TRPV2: variants seen among roughly 807,000 people sequenced by gnomAD.
The protein encoded by TRPV2 is OTRPC2.
In TRPV2, 58 loss-of-function variants were observed where a neutral mutation model predicts 91.0. That is an observed-to-expected ratio of 0.64 (90% CI 0.52 to 0.79). The LOEUF is 0.79. Ranked by LOEUF, TRPV2 falls within the 30% of genes least tolerant of loss-of-function variation. The pLI is 0.00. For missense variants in TRPV2, 807 were observed against 969.6 expected (o/e 0.83, Z 2.23); for synonymous variants, 417 against 414.8 (o/e 1.01, Z -0.06).
At position 16,426,209 on chromosome 17, in the gene TRPV2, T is replaced by C. The variant is rs754076443; in HGVS notation, c.1035T>C (p.Ser345=). The C allele has an allele frequency of 3.1e-6, 5 of 1,614,100 alleles. No individual in the cohort carries two copies. Among genetic ancestry groups the C allele is most frequent in the Admixed American group, 3.3e-5 (2 of 60,002 alleles). The change falls in exon 6 of 15, where the codon TCT becomes TCC. Residue 345 remains serine, a synonymous_variant. Transcript: ENST00000338560. This position sits in a 1 kb window ranked among gnomAD's most constrained non-coding sequence, Gnocchi z 6.0. ...GGGTGTCGCTGTATGACCTGGCTTC[T>C]GTGGACAGCTGTGAGGAGAACTCAG... ...PVRVSLYDLA[S]VDSCEENSVL... is the part of the protein sequence containing the mutation.
chr17:16,419,009 T>C (rs992988217), intron 2 of TRPV2, among the ~76,000 whole-genome samples: 5 of 151,326 alleles, frequency 3.3e-5, no homozygotes, highest in African/African-American at 7.3e-5. Context: ...CCAGCCTGGG[T>C]GTCAGTGTGA....
In TRPV2 at chr17:16,417,770, CG is replaced by C; in HGVS notation, c.105del (p.Leu36CysfsTer19). ...ACAGAGGAAAGCTGGATTTTGGGAG[CG>C]GGCTGCCTCCCATGGAGTCACAGTT... ...ADRGKLDFGS[G>X]LPPMESQFQG... On this transcript the variant is annotated frameshift_variant, in exon 2 of 15. Coordinates refer to ENST00000338560, the MANE Select transcript of TRPV2 (RefSeq NM_016113.5). LOFTEE classifies it high-confidence loss of function. 2 of 1,614,176 alleles carry C rather than the reference CG, an allele frequency of 1.2e-6. No homozygotes were observed. Among genetic ancestry groups the C allele is most frequent in the South Asian group, 2.2e-5 (2 of 91,082 alleles).
Position 16,432,050 on chromosome 17 carries a change from G to C in TRPV2, c.1739G>C (p.Gly580Ala). 1 of 1,613,836 alleles carries C rather than the reference G, an allele frequency of 6.2e-7. No individual in the cohort carries two copies. The highest frequency in any genetic ancestry group is 1.3e-5 in the African/African-American group (1 of 75,056). Residue 580 changes from glycine to alanine, a missense_variant, in exon 12 of 15, where the codon GGA becomes GCA. Gly to Ala is a moderately conservative substitution (Grantham distance 60, BLOSUM62 0). Transcript: ENST00000338560. ...ACAGAGTCAGTGCAGCCCATGGAGGGACAGGAGGACGAGGGCAACGGGGCC... is the reference window on the plus strand; with the variant it reads ...ACAGAGTCAGTGCAGCCCATGGAGGCACAGGAGGACGAGGGCAACGGGGCC... Reference protein sequence around the residue: ...NATESVQPMEGQEDEGNGAQY... With the variant: ...NATESVQPMEAQEDEGNGAQY...
Position 16,422,609 on chromosome 17 carries a change from A to C in TRPV2, c.345A>C (p.Thr115=), listed in dbSNP as rs2093363321. ...CCCTTCTTCCCACAGAGGGCTCCAC[A>C]GGTAAGACGTGCCTGATGAAGGCTG... The part of the protein sequence containing the change: ...LTDSEYTEGS[T]GKTCLMKAVL... Residue 115 remains threonine, a synonymous_variant, in exon 4 of 15, where the codon ACA becomes ACC. Transcript: ENST00000338560. 1 of 1,613,300 alleles carries C rather than the reference A, an allele frequency of 6.2e-7. No homozygotes were observed. The highest frequency in any genetic ancestry group is 1.3e-5 in the African/African-American group (1 of 75,042).
rs1426063522 is a variant in TRPV2 at position 16,431,848 on chromosome 17, T to A, written c.1652T>A (p.Val551Glu). ...TTAGTCTTCCTTTTCGGCTTCGCTG[T>A]AGGTAAAGGCTCCCTCCGGCCCCCT... ...IYLVFLFGFA[V>E]ALVSLSQEAW... Residue 551 changes from valine (V) to glutamate (E), a missense_variant and splice_region_variant, in exon 11 of 15, where the codon GTA becomes GAA. Transcript: ENST00000338560. 1 of 1,614,096 alleles carries A rather than the reference T, an allele frequency of 6.2e-7. No individual in the cohort carries two copies. The highest frequency in any genetic ancestry group is 8.5e-7 in the Non-Finnish European group (1 of 1,180,020).
intron 2 of TRPV2, among the ~76,000 whole-genome samples, 198 bp downstream of exon 2, chr17:16,418,066 TC>T (rs918239651): frequency 4.2e-4 from 64 of 152,342 alleles, no homozygotes; most frequent in African/African-American, 1.4e-3. Flanking sequence ...TCCAGAGGCT[TC>T]CCCATTCTTG....
In TRPV2 at chr17:16,435,004, G is replaced by T. The variant is rs2093429513; in HGVS notation, c.2194+35G>T. 1.9e-6 allele frequency: 3 copies of T among 1,574,484 alleles called. No homozygotes were observed. Among genetic ancestry groups the T allele is most frequent in the Non-Finnish European group, 2.6e-6 (3 of 1,155,462 alleles). On this transcript the variant is annotated intron_variant, in intron 14 of 14. Transcript: ENST00000338560. This position sits in a 1 kb window ranked among gnomAD's most constrained non-coding sequence, Gnocchi z 4.2. ...CTGGTGACTAGAGCCTCTGCCCTGGGGTGTGTGTCTCTGCTGCTTGGCCAC... is the reference window on the plus strand; with the variant it reads ...CTGGTGACTAGAGCCTCTGCCCTGGTGTGTGTGTCTCTGCTGCTTGGCCAC...
Position 16,428,873 on chromosome 17 carries a change from A to G in TRPV2, c.1478A>G (p.Glu493Gly), listed in dbSNP as rs763261093. The G allele has an allele frequency of 6.2e-7, 1 of 1,613,914 alleles. No individual in the cohort carries two copies. ...CAGGTGCTGTGTTTCCTGGCCATCG[A>G]GTGGTACCTGCCCCTGCTTGTGTCT... ...VSQVLCFLAI[E>G]WYLPLLVSAL... Residue 493 changes from glutamate to glycine, a missense_variant, in exon 10 of 15, where the codon GAG becomes GGG. Glu to Gly is a moderately conservative substitution (Grantham distance 98, BLOSUM62 -2). Coordinates refer to ENST00000338560, the MANE Select transcript of TRPV2 (RefSeq NM_016113.5).
Position 16,423,660 on chromosome 17 carries a change from C to A in TRPV2, c.817C>A (p.Leu273Ile). ...IALVTSMYDG[L>I]LQAGARLCPT... ...ACTGGTGACCAGCATGTATGATGGGCTCCTCCAAGCTGGGGCCCGCCTCTG... is the reference window on the plus strand; with the variant it reads ...ACTGGTGACCAGCATGTATGATGGGATCCTCCAAGCTGGGGCCCGCCTCTG... Residue 273 changes from leucine to isoleucine, a missense_variant, in exon 5 of 15, where the codon CTC (leucine) becomes ATC (isoleucine). Physicochemically the swap from Leu to Ile is conservative, Grantham distance 5 (BLOSUM62 2). Coordinates refer to ENST00000338560, the MANE Select transcript of TRPV2 (RefSeq NM_016113.5). The A allele has an allele frequency of 1.2e-6, 2 of 1,614,148 alleles. No individual in the cohort carries two copies. The highest frequency in any genetic ancestry group is 1.7e-6 in the Non-Finnish European group (2 of 1,180,030).
chr17:16,429,079 C>T, intron 10 of TRPV2, 97 bp downstream of exon 10: 1 of 1,360,642 alleles, frequency 7.3e-7, no homozygotes, highest in Admixed American at 2.1e-5. Context: ...GGCATGTGTA[C>T]ATCTGCCTGT....
intron 9 of TRPV2, chr17:16,428,602 GC>G: frequency 1.4e-6 from 1 of 705,406 alleles, no homozygotes; most frequent in Non-Finnish European, 2.4e-6. Flanking sequence ...CATTTACTAG[GC>G]CTCGGCACAT....
intron 4 of TRPV2, 36 bp downstream of exon 4, chr17:16,422,925 A>G: frequency 1.9e-6 from 3 of 1,544,072 alleles, no homozygotes; most frequent in Non-Finnish European, 2.6e-6. Flanking sequence ...CGAGGCAAAG[A>G]GAGAGTAAGG....
Position 16,420,222 on chromosome 17 carries a change from A to C in TRPV2, c.308A>C (p.Lys103Thr). Residue 103 changes from lysine to threonine, a missense_variant, in exon 3 of 15, where the codon AAG becomes ACG. Coordinates refer to ENST00000338560, the MANE Select transcript of TRPV2 (RefSeq NM_016113.5). ...CCAGAGTACCTGAGCAAGACCAGCAAGTACCTCACCGACTCGGAATACACA... is the reference window on the plus strand; with the variant it reads ...CCAGAGTACCTGAGCAAGACCAGCACGTACCTCACCGACTCGGAATACACA... ...GLPEYLSKTS[K>T]YLTDSEYTEG... 2 of 1,614,046 alleles carry C rather than the reference A, an allele frequency of 1.2e-6. No individual in the cohort carries two copies. The highest frequency in any genetic ancestry group is 1.7e-6 in the Non-Finnish European group (2 of 1,179,888).
chr17:16,432,517 T>C (rs1236404945), intron 12 of TRPV2, among the ~76,000 whole-genome samples: 7 of 150,282 alleles, frequency 4.7e-5, no homozygotes, highest in Non-Finnish European at 7.4e-5. Context: ...CACAGCTCAA[T>C]GCAGCCTCGG....
chr17:16,431,277 ATATATATATACATATTTTTTTT>A (rs1167754083), intron 10 of TRPV2, among the ~76,000 whole-genome samples: 7 of 75,748 alleles, frequency 9.2e-5, no homozygotes, highest in Non-Finnish European at 1.5e-4. Flanking sequence ...ATATATATAT[ATATATATATACATATTTTTTTT>A]TTTTTTTTTT....
chr17:16,427,891 G>T (rs921989713), intron 8 of TRPV2, among the ~76,000 whole-genome samples: 4 of 152,196 alleles, frequency 2.6e-5, no homozygotes, highest in African/African-American at 9.7e-5. Flanking sequence ...AGGTAGGTGG[G>T]GTTCAGGCTA....
intron 8 of TRPV2, among the ~76,000 whole-genome samples, chr17:16,427,831 G>A (rs960602839): frequency 2.6e-5 from 4 of 152,310 alleles, no homozygotes; most frequent in South Asian, 2.1e-4. Context: ...CCTGCCCCTA[G>A]CCAGGCCCCT....
At chr17:16,425,739 T>G (rs1055216148) in intron 5 of TRPV2, among the ~76,000 whole-genome samples, 1 of 152,306 alleles carries the variant, frequency 6.6e-6, no homozygotes, top group South Asian at 2.1e-4. Context: ...TTGAAAATTC[T>G]AGATTCTGAC....
intron 2 of TRPV2, among the ~76,000 whole-genome samples, chr17:16,418,687 AG>A (rs1378482282): frequency 6.6e-6 from 1 of 152,140 alleles, no homozygotes; most frequent in Non-Finnish European, 1.5e-5. Context: ...CGACACAGGC[AG>A]GACGGGCCCT....
Sources: gnomAD v4.1 joint callset for allele counts (sites outside exome capture counted in the v4.1 genomes callset) on GRCh38, gnomAD v4.1.1 for gene constraint, Gnocchi (gnomAD v3.1) non-coding constraint, MANE v1.5 for transcripts, NCBI Gene and HGNC (gene_info 2026-07-23, HGNC 2026-07-21) for gene names.